Variants in PEA15 observed in about 807,000 individuals in gnomAD.
The protein encoded by PEA15 is proliferation and apoptosis adaptor protein 15.
For synonymous variants in PEA15, 60 were observed against 61.8 expected (o/e 0.97, Z 0.13); for missense variants, 77 against 161.3 (o/e 0.48, Z 2.83).
At chr1:160,207,976 G>A (rs1654674211) in intron 1 of PEA15, among the ~76,000 whole-genome samples, 1 of 152,218 alleles carries the variant, frequency 6.6e-6, no homozygotes, top group African/African-American at 2.4e-5. Context: ...GGCTTAGGCA[G>A]CTGCAACAGA....
chr1:160,212,987 G>C, intron 2 of PEA15, 123 bp from the exon 3 acceptor site: 1 of 904,086 alleles, frequency 1.1e-6, no homozygotes, highest in Non-Finnish European at 1.8e-6. Context: ...TCTTCCTCCA[G>C]TGTTGTACCC....
rs1453359950 is a variant in PEA15 at position 160,213,431 on chromosome 1, G to A, written c.338G>A (p.Arg113Gln). 3 of 1,614,000 alleles carry A rather than the reference G, an allele frequency of 1.9e-6. No individual in the cohort carries two copies. The highest frequency in any genetic ancestry group is 1.7e-5 in the Admixed American group (1 of 60,018). Reference protein sequence around the residue: ...PSAKKYKDIIRQPSEEEIIKL... With the variant: ...PSAKKYKDIIQQPSEEEIIKL... ...ACCTTTTTGCCCCCAGACATTATCC[G>A]GCAGCCCTCTGAGGAAGAGATCATC... The change falls in exon 4 of 4, where the codon CGG becomes CAG. Residue 113 changes from arginine (R) to glutamine (Q), a missense_variant. Physicochemically the swap from Arg to Gln is conservative, Grantham distance 43. Coordinates refer to ENST00000360472, the MANE Select transcript of PEA15 (RefSeq NM_003768.5). The surrounding 1 kb of genome is among the most constrained non-coding windows in gnomAD (Gnocchi z 5.3).
intron 1 of PEA15, among the ~76,000 whole-genome samples, chr1:160,209,882 T>C (rs185046204): frequency 1.3e-5 from 2 of 152,332 alleles, no homozygotes; most frequent in East Asian, 3.9e-4. Context: ...GCAGAGACAG[T>C]TCCTGGTGCT....
At chr1:160,210,509 G>A (rs1654824907) in intron 1 of PEA15, among the ~76,000 whole-genome samples, 1 of 152,144 alleles carries the variant, frequency 6.6e-6, no homozygotes, top group African/African-American at 2.4e-5. Flanking sequence ...CTATCTTAGT[G>A]GAAGGAAGGC....
At chr1:160,212,839 G>A (rs1027409789) in intron 2 of PEA15, among the ~76,000 whole-genome samples, 1 of 152,090 alleles carries the variant, frequency 6.6e-6, no homozygotes, top group Non-Finnish European at 1.5e-5. Context: ...CAACATATGG[G>A]AGCTAGTATC....
chr1:160,213,062 G>A lies in PEA15; in HGVS notation c.173-48G>A. The A allele has an allele frequency of 6.2e-7, 1 of 1,602,566 alleles. No individual in the cohort carries two copies. Among genetic ancestry groups the A allele is most frequent in the Middle Eastern group, 1.7e-4 (1 of 5,958 alleles). On this transcript the variant is annotated intron_variant, in intron 2 of 3. Coordinates refer to ENST00000360472, the MANE Select transcript of PEA15 (RefSeq NM_003768.5). The surrounding 1 kb of genome is among the most constrained non-coding windows in gnomAD (Gnocchi z 5.3). ...TCACTAGTCTGGTGGAGTAGGGGAA[G>A]CTGACCTCTACAGCCTAGCTCTGAC...
chr1:160,211,870 A>AT (rs1654888421), intron 2 of PEA15, among the ~76,000 whole-genome samples, 154 bp downstream of exon 2: 1 of 152,100 alleles, frequency 6.6e-6, no homozygotes, highest in Non-Finnish European at 1.5e-5. Context: ...GGCCTTAGAC[A>AT]TTTTTCACTG....
At chr1:160,210,659 G>C (rs1383781399) in intron 1 of PEA15, among the ~76,000 whole-genome samples, 1 of 152,112 alleles carries the variant, frequency 6.6e-6, no homozygotes, top group African/African-American at 2.4e-5. Flanking sequence ...CGAGAAGGGG[G>C]GGCAGTCCCC....
At chr1:160,211,433 G>C in intron 1 of PEA15, 110 bp from the exon 2 acceptor site, 1 of 1,388,220 alleles carries the variant, frequency 7.2e-7, no homozygotes, top group Non-Finnish European at 9.6e-7. Context: ...CCATGTTCCA[G>C]GCACATGCCT....
chr1:160,212,024 C>T (rs971616737), intron 2 of PEA15, among the ~76,000 whole-genome samples: 7 of 152,082 alleles, frequency 4.6e-5, no homozygotes, highest in Non-Finnish European at 7.4e-5. Context: ...TGGAAGAATA[C>T]CTGAATGAGG....
intron 1 of PEA15, among the ~76,000 whole-genome samples, chr1:160,206,689 A>G (rs1210546454): frequency 6.6e-6 from 1 of 152,152 alleles, no homozygotes; most frequent in Non-Finnish European, 1.5e-5. Context: ...TAGTCAGGGA[A>G]CCAGGGAGAG....
At chr1:160,212,794 G>A (rs1376328489) in intron 2 of PEA15, among the ~76,000 whole-genome samples, 1 of 151,846 alleles carries the variant, frequency 6.6e-6, no homozygotes, top group African/African-American at 2.4e-5. Flanking sequence ...GGGGTATCTG[G>A]AAGTCAAGTT....
At position 160,208,705 on chromosome 1, in the gene PEA15, T is replaced by A; in HGVS notation, c.-2-2838T>A. On this transcript the variant is annotated intron_variant, in intron 1 of 3. Transcript: ENST00000360472. This position sits in a 1 kb window ranked among gnomAD's most constrained non-coding sequence, Gnocchi z 4.1. ...CAGTGAGAATTGAGAGCAGTTCCCC[T>A]AAACAACACTCCCTTTGCTTCTTCT... 6.7e-7 allele frequency: 1 copy of A among 1,484,806 alleles called. No individual in the cohort carries two copies. The allele number at this position is 1,484,806 out of a possible 1,614,324, so 92.0% of individuals were successfully genotyped here. A position where few individuals can be genotyped will look rare whatever the true frequency, so the allele number is the denominator to read the frequency against.
Position 160,208,856 on chromosome 1 carries a change from T to G in PEA15, c.-2-2687T>G. The G allele has an allele frequency of 5.9e-5, 32 of 540,524 alleles. No individual in the cohort carries two copies. Among genetic ancestry groups the G allele is most frequent in the Non-Finnish European group, 7.6e-5 (23 of 301,840 alleles). The allele number at this position is 540,524 out of a possible 1,614,324, so 33.5% of individuals were successfully genotyped here. ...CCTTCTTACTCACCATTCCCTACACTCCTCCCATCTAGTGGTGTCATCCTA... is the reference window on the plus strand; with the variant it reads ...CCTTCTTACTCACCATTCCCTACACGCCTCCCATCTAGTGGTGTCATCCTA... On this transcript the variant is annotated intron_variant, in intron 1 of 3. Coordinates refer to ENST00000360472, the MANE Select transcript of PEA15 (RefSeq NM_003768.5). This position sits in a 1 kb window ranked among gnomAD's most constrained non-coding sequence, Gnocchi z 4.1.
intron 2 of PEA15, among the ~76,000 whole-genome samples, chr1:160,212,043 C>A (rs981298976): frequency 6.6e-6 from 1 of 152,102 alleles, no homozygotes; most frequent in Non-Finnish European, 1.5e-5. Flanking sequence ...GGGGAGAACT[C>A]GAAGTGTAAT....
At chr1:160,212,543 C>A (rs1654920852) in intron 2 of PEA15, among the ~76,000 whole-genome samples, 1 of 152,046 alleles carries the variant, frequency 6.6e-6, no homozygotes, top group Non-Finnish European at 1.5e-5. Flanking sequence ...TGGCAACAGT[C>A]AGAGGGGAGG....
intron 1 of PEA15, among the ~76,000 whole-genome samples, chr1:160,209,067 A>C (rs891566338): frequency 1.8e-4 from 27 of 151,264 alleles, no homozygotes; most frequent in Non-Finnish European, 3.4e-4. Flanking sequence ...GGCTCCCCTC[A>C]CCCCTCTGGA....
rs1406648647 is a variant in PEA15, at chr1:160,211,639, C to T, written c.95C>T (p.Pro32Leu). 6.2e-7 allele frequency: 1 copy of T among 1,614,136 alleles called. No individual in the cohort carries two copies. Among genetic ancestry groups the T allele is most frequent in the Non-Finnish European group, 8.5e-7 (1 of 1,180,008 alleles). Residue 32 changes from proline to leucine, a missense_variant, in exon 2 of 4, where the codon CCC (proline) becomes CTC (leucine). Pro to Leu is a moderately conservative substitution (Grantham distance 98). Transcript: ENST00000360472. Reference protein sequence around the residue: ...QLKSACKEDIPSEKSEEITTG... With the variant: ...QLKSACKEDILSEKSEEITTG... ...AAGTCGGCCTGCAAGGAAGACATCC[C>T]CAGCGAAAAGAGTGAGGAGATCACT...
intron 2 of PEA15, among the ~76,000 whole-genome samples, chr1:160,212,173 G>GA (rs1216369641): frequency 6.6e-6 from 1 of 152,098 alleles, no homozygotes; most frequent in East Asian, 1.9e-4. Flanking sequence ...TGGGGAGTGG[G>GA]ATCTATGGAT....
Sources: gnomAD v4.1 joint callset for allele counts (sites outside exome capture counted in the v4.1 genomes callset) on GRCh38, gnomAD v4.1.1 for gene constraint, Gnocchi (gnomAD v3.1) non-coding constraint, MANE v1.5 for transcripts, NCBI Gene and HGNC (gene_info 2026-07-23, HGNC 2026-07-21) for gene names.